CACNA1C: variants seen among roughly 807,000 people sequenced by gnomAD.
CACNA1C encodes the protein voltage-dependent L-type calcium channel subunit alpha-1C.
A neutral mutation model predicts 229.0 loss-of-function variants in CACNA1C; 30 were observed. The ratio of observed to expected loss-of-function variants is 0.13; its 90% confidence interval spans 0.10 to 0.18. The LOEUF (loss-of-function observed/expected upper bound fraction) is 0.18. Ranked by LOEUF, CACNA1C falls within the 10% of genes least tolerant of loss-of-function variation. The pLI, the probability that CACNA1C is intolerant of heterozygous loss-of-function variation, is 1.00. For synonymous variants in CACNA1C, 1,114 were observed against 1,132.5 expected, an observed-to-expected ratio of 0.98 and a Z score of 0.33; for missense variants, 1,658 against 2,845.0, an observed-to-expected ratio of 0.58 and a Z score of 9.49.
intron 3 of CACNA1C, among the ~76,000 whole-genome samples, chr12:2,313,424 C>T (rs1444645484): frequency 1.3e-5 from 2 of 152,166 alleles, no homozygotes; most frequent in South Asian, 2.1e-4. Context: ...TTTAATTTCT[C>T]CTGGAGCCCT....
intron 4 of CACNA1C, among the ~76,000 whole-genome samples, chr12:2,456,967 A>AG (rs1396796620): frequency 5.3e-5 from 8 of 152,230 alleles, no homozygotes; most frequent in Non-Finnish European, 1.2e-4. Flanking sequence ...CTAAAGTGGC[A>AG]GGGCTGAAAG....
In CACNA1C at chr12:2,029,080, G is replaced by A. The variant is rs536034982; in HGVS notation, c.139+57879G>A. 6.6e-6 allele frequency among the ~76,000 whole-genome samples: 1 copy of A among 152,190 alleles called. No individual in the cohort carries two copies. Among genetic ancestry groups the A allele is most frequent in the East Asian group, 1.9e-4 (1 of 5,170 alleles). ...CATTTGGACTGGAGGCATGTCTTAT[G>A]TTACAAGTACCTGAGTGAGAACTGA... On this transcript the variant is annotated intron_variant, in intron 1 of 46. Transcript: ENST00000682462. This position sits in a 1 kb window ranked among gnomAD's most constrained non-coding sequence, Gnocchi z 4.9.
intron 13 of CACNA1C, among the ~76,000 whole-genome samples, chr12:2,580,276 C>T (rs1359868253): frequency 6.6e-6 from 1 of 152,168 alleles, no homozygotes; most frequent in Non-Finnish European, 1.5e-5. Context: ...AAGGTGCCCT[C>T]GAGGCTGCAG....
chr12:2,621,994 G>A (rs546827105), intron 29 of CACNA1C, among the ~76,000 whole-genome samples: 1 of 152,236 alleles, frequency 6.6e-6, no homozygotes, highest in Middle Eastern at 3.4e-3. Context: ...TCAAGTCCTG[G>A]GAGAAGAGTT....
rs1273370172 is a variant in CACNA1C at position 2,648,700 on chromosome 12, G to A, written c.3945+193G>A. 2.0e-5 allele frequency among the ~76,000 whole-genome samples: 3 copies of A among 152,140 alleles called. No homozygotes were observed. In the East Asian group the frequency reaches 5.8e-4, roughly 29 times the overall value. On this transcript the variant is annotated intron_variant, in intron 31 of 46. Transcript: ENST00000399655. ...CTGTGAAGATGCTGTTTGTGCAGTG[G>A]TGGTGTTTTACCCCTGAGCTTTCCT...
chr12:2,393,607 C>T (rs910934292), intron 3 of CACNA1C, among the ~76,000 whole-genome samples: 7 of 152,232 alleles, frequency 4.6e-5, no homozygotes, highest in South Asian at 2.1e-4. Context: ...GATAAAAATA[C>T]TTACTGTGCA....
Position 2,082,411 on chromosome 12 carries a change from G to A in CACNA1C, c.49+28800G>A, listed in dbSNP as rs145585886. ...TGTCTTTCCAGGTGTCATACAGCCC[G>A]GCAGCGTCTCCTGCATCCTTGCTTT... On this transcript the variant is annotated intron_variant, in intron 1 of 46. Coordinates refer to ENST00000399655, the MANE Select transcript of CACNA1C (RefSeq NM_000719.7). 1.1e-3 allele frequency among the ~76,000 whole-genome samples: 169 copies of A among 152,270 alleles called. 1 individual carries two copies. Among genetic ancestry groups the A allele is most frequent in the African/African-American group, 3.7e-3 (154 of 41,542 alleles).
At chr12:2,361,717 A>G (rs183609365) in intron 3 of CACNA1C, among the ~76,000 whole-genome samples, 3 of 152,280 alleles carry the variant, frequency 2.0e-5, no homozygotes, top group Non-Finnish European at 4.4e-5. Flanking sequence ...TAAAGCCACT[A>G]TTATCTTTTG....
intron 3 of CACNA1C, among the ~76,000 whole-genome samples, chr12:2,349,593 A>G (rs539086285): frequency 3.2e-4 from 49 of 152,108 alleles, no homozygotes; most frequent in Non-Finnish European, 6.8e-4. Context: ...CCTGCTTGGC[A>G]TTGCCATGGG....
intron 6 of CACNA1C, among the ~76,000 whole-genome samples, chr12:2,490,398 A>T (rs1243507585): frequency 6.6e-6 from 1 of 152,258 alleles, no homozygotes; most frequent in Non-Finnish European, 1.5e-5. Flanking sequence ...GATTAACTTC[A>T]TCTTTATTCT....
intron 3 of CACNA1C, among the ~76,000 whole-genome samples, chr12:2,356,972 T>C (rs1337446266): frequency 1.3e-5 from 2 of 152,216 alleles, no homozygotes; most frequent in East Asian, 3.8e-4. Flanking sequence ...CAGCATCCTT[T>C]CTGTCCACTT....
intron 7 of CACNA1C, among the ~76,000 whole-genome samples, chr12:2,502,507 T>G (rs1395195647): frequency 1.3e-5 from 2 of 152,228 alleles, no homozygotes; most frequent in Non-Finnish European, 2.9e-5. Context: ...CCACGTTCAA[T>G]TGAATTTCAC....
At chr12:2,218,665 A>C (rs1018930591) in intron 3 of CACNA1C, among the ~76,000 whole-genome samples, 1 of 152,206 alleles carries the variant, frequency 6.6e-6, no homozygotes, top group South Asian at 2.1e-4. Flanking sequence ...ATAAAATGCT[A>C]TATTTAATTT....
rs558970654 is a variant in CACNA1C at position 2,291,809 on chromosome 12, A to G, written c.478-157167A>G. Among the ~76,000 whole-genome samples the G allele has an allele frequency of 8.7e-4, 132 of 152,340 alleles. No homozygotes were observed. In the South Asian group the frequency reaches 0.01, roughly 12 times the overall value. On this transcript the variant is annotated intron_variant, in intron 3 of 46. Coordinates refer to ENST00000399655, the MANE Select transcript of CACNA1C (RefSeq NM_000719.7). The stretch of plus-strand genomic sequence containing the variant: ...TTTGCCATTAACGTCACCTCTGTTT[A>G]CTACGTGGGAAGAGTGATTCACATG...
chr12:2,432,091 C>T (rs2099091509), intron 3 of CACNA1C, among the ~76,000 whole-genome samples: 2 of 152,138 alleles, frequency 1.3e-5, no homozygotes, highest in Middle Eastern at 3.2e-3. Context: ...AGAACAGACC[C>T]ATTTTTACAA....
At chr12:2,545,876 A>G (rs2099880031) in intron 9 of CACNA1C, among the ~76,000 whole-genome samples, 1 of 152,290 alleles carries the variant, frequency 6.6e-6, no homozygotes, top group African/African-American at 2.4e-5. Context: ...CTGAACAGTT[A>G]GCTAAAGCAC....
intron 3 of CACNA1C, among the ~76,000 whole-genome samples, chr12:2,395,118 C>T (rs2098548057): frequency 6.6e-6 from 1 of 151,442 alleles, no homozygotes; most frequent in Non-Finnish European, 1.5e-5. Flanking sequence ...CTCCCAGGCT[C>T]AAATGATTTC....
chr12:2,224,307 C>T (rs902690499), intron 3 of CACNA1C, among the ~76,000 whole-genome samples: 39 of 152,354 alleles, frequency 2.6e-4, no homozygotes, highest in African/African-American at 8.7e-4. Flanking sequence ...CCACCGTCTC[C>T]GATATGCAAA....
chr12:2,231,576 GTTTTGTTTCTGTTTCTGA>G (rs1201969692), intron 3 of CACNA1C, among the ~76,000 whole-genome samples: 2 of 152,120 alleles, frequency 1.3e-5, no homozygotes, highest in Non-Finnish European at 2.9e-5. Context: ...TCACAAATGG[GTTTTGTTTCTGTTTCTGA>G]TTTTGTTTTT....
Sources: allele counts gnomAD v4.1 joint callset (sites outside exome capture counted in the v4.1 genomes callset), GRCh38; gene constraint gnomAD v4.1.1; non-coding constraint Gnocchi (gnomAD v3.1); transcripts MANE v1.5; gene names NCBI Gene and HGNC (gene_info 2026-07-23, HGNC 2026-07-21).